Variants in IQANK1 observed in about 807,000 individuals in gnomAD.
IQANK1 encodes the protein IQ motif and ankyrin repeat containing 1.
In IQANK1, 30 loss-of-function variants were observed where a neutral mutation model predicts 22.6. That is an observed-to-expected ratio of 1.33 (90% CI 0.99 to 1.80). IQANK1 has a LOEUF of 1.80. Ranked by LOEUF, IQANK1 falls within the 40% of genes most tolerant of loss-of-function variation. The pLI, the probability that IQANK1 is intolerant of heterozygous loss-of-function variation, is 0.00. For missense variants in IQANK1, 275 were observed against 235.2 expected (o/e 1.17, Z -1.11); for synonymous variants, 122 against 99.6 (o/e 1.23, Z -1.34).
chr8:143,766,625 C>T (rs1343263715), intron 3 of IQANK1, among the ~76,000 whole-genome samples: 8 of 151,696 alleles, frequency 5.3e-5, no homozygotes, highest in Admixed American at 6.6e-5. Context: ...GAGCCAGGAT[C>T]GAGTCACTGC....
At chr8:143,734,581 G>A (rs988794601) in intron 1 of IQANK1, among the ~76,000 whole-genome samples, 3 of 151,086 alleles carry the variant, frequency 2.0e-5, no homozygotes, top group Non-Finnish European at 4.4e-5. Flanking sequence ...CAAGCACACC[G>A]AGTCCTGCCC....
At chr8:143,737,626 G>A (rs1371988450) in intron 2 of IQANK1, among the ~76,000 whole-genome samples, 3 of 152,128 alleles carry the variant, frequency 2.0e-5, no homozygotes, top group African/African-American at 4.8e-5. Context: ...GACCCCTCCC[G>A]CCACCCCATC....
chr8:143,759,200 G>A, intron 3 of IQANK1: 1 of 236,666 alleles, frequency 4.2e-6, no homozygotes, highest in Non-Finnish European at 8.5e-6. Context: ...CGTCACAGCA[G>A]CACTGCTTCA....
rs181088140 is a variant in IQANK1, at chr8:143,781,561, C to A, written c.790-7354C>A. Among the ~76,000 whole-genome samples, 229 of 152,258 alleles carry A rather than the reference C, an allele frequency of 1.5e-3. 7 individuals are homozygous for A. Among genetic ancestry groups the A allele is most frequent in the Admixed American group, 0.013 (199 of 15,284 alleles). ...ATATGGCTAGCCAGTTATTCCAGCA[C>A]GGTTTATTGAATATGGAGTCTTTTC... On this transcript the variant is annotated intron_variant, in intron 7 of 13. Coordinates refer to ENST00000527139, the MANE Select transcript of IQANK1 (RefSeq NM_001381874.1).
intron 3 of IQANK1, among the ~76,000 whole-genome samples, chr8:143,754,095 T>C (rs1554628312): frequency 6.6e-6 from 1 of 152,208 alleles, no homozygotes; most frequent in African/African-American, 2.4e-5. Flanking sequence ...CCTTTCATGT[T>C]TGGCTCCTAA....
intron 7 of IQANK1, among the ~76,000 whole-genome samples, chr8:143,779,906 C>A (rs1440813193): frequency 6.6e-6 from 1 of 152,194 alleles, no homozygotes; most frequent in East Asian, 1.9e-4. Flanking sequence ...ATTCGTATGT[C>A]TGTTCACTCT....
At chr8:143,759,240 A>C (rs1819347125) in intron 3 of IQANK1, 1 of 179,376 alleles carries the variant, frequency 5.6e-6, no homozygotes. Context: ...ACAGCCCTGC[A>C]CCAGCAAATC....
chr8:143,755,509 G>A (rs1228728272), intron 3 of IQANK1, among the ~76,000 whole-genome samples: 1 of 151,972 alleles, frequency 6.6e-6, no homozygotes, highest in Admixed American at 6.6e-5. Flanking sequence ...GATTACAGGC[G>A]CCTGCCACCA....
intron 3 of IQANK1, among the ~76,000 whole-genome samples, chr8:143,752,535 T>G (rs1441704926): frequency 6.6e-6 from 1 of 152,220 alleles, no homozygotes; most frequent in African/African-American, 2.4e-5. Flanking sequence ...TTTTCAGCCA[T>G]TATTTCTTCA....
chr8:143,751,675 T>TATATATAA (rs1379910945), intron 3 of IQANK1, among the ~76,000 whole-genome samples: 133 of 140,768 alleles, frequency 9.4e-4, no homozygotes, highest in African/African-American at 1.9e-3. Flanking sequence ...TATATATATA[T>TATATATAA]ATAAAATCCT....
At chr8:143,738,539 C>T (rs1348319627) in intron 2 of IQANK1, among the ~76,000 whole-genome samples, 4 of 152,204 alleles carry the variant, frequency 2.6e-5, no homozygotes, top group Admixed American at 2.0e-4. Context: ...CTGACTAACG[C>T]GCTGACACGG....
intron 7 of IQANK1, among the ~76,000 whole-genome samples, chr8:143,777,441 G>A (rs1819708627): frequency 1.3e-5 from 2 of 149,442 alleles, no homozygotes; most frequent in East Asian, 2.0e-4. Context: ...GCTTGAACCC[G>A]GGAGGCGGAG....
intron 7 of IQANK1, among the ~76,000 whole-genome samples, chr8:143,778,072 G>A (rs1050027974): frequency 2.6e-5 from 4 of 152,156 alleles, no homozygotes; most frequent in Non-Finnish European, 5.9e-5. Flanking sequence ...GCGGGCGCCT[G>A]TAGTCCCAGC....
At position 143,748,316 on chromosome 8, in the gene IQANK1, T is replaced by A. The variant is rs541628073; in HGVS notation, c.175+8368T>A. On this transcript the variant is annotated intron_variant, in intron 3 of 13. Transcript: ENST00000527139. ...AGCAAGTCCTTTATTTCTTTACTTA[T>A]CTTCTTATCTTCTGCCTGGTGGTTC... Among the ~76,000 whole-genome samples the A allele has an allele frequency of 3.3e-5, 5 of 151,156 alleles. No individual in the cohort carries two copies. In the East Asian group the frequency reaches 9.6e-4, roughly 29 times the overall value.
intron 7 of IQANK1, among the ~76,000 whole-genome samples, chr8:143,782,307 C>T (rs1258276339): frequency 6.6e-6 from 1 of 152,146 alleles, no homozygotes; most frequent in Non-Finnish European, 1.5e-5. Context: ...CCTTTTCTTT[C>T]TCTTGCCTGA....
chr8:143,744,123 G>A, intron 3 of IQANK1: 1 of 201,492 alleles, frequency 5.0e-6, no homozygotes, highest in Non-Finnish European at 1.0e-5. Context: ...TGAGCCACCA[G>A]GCCTGGCTCC....
intron 7 of IQANK1, among the ~76,000 whole-genome samples, chr8:143,777,976 C>T (rs1250247632): frequency 2.6e-5 from 4 of 152,218 alleles, no homozygotes; most frequent in East Asian, 1.9e-4. Context: ...GGGCGGATCA[C>T]GAGGTCAGAA....
chr8:143,739,815 G>A (rs1462843873), intron 2 of IQANK1, 44 bp from the exon 3 acceptor site: 2 of 677,540 alleles, frequency 3.0e-6, no homozygotes, highest in Admixed American at 4.2e-5. Flanking sequence ...TAATGGGGAT[G>A]GGGGTCTCTC....
chr8:143,787,145 G>C (rs190548087), intron 7 of IQANK1, among the ~76,000 whole-genome samples: 1 of 150,132 alleles, frequency 6.7e-6, no homozygotes, highest in Non-Finnish European at 1.5e-5. Context: ...GGCAGACGTG[G>C]GTTCAGTTTT....
Sources: gnomAD v4.1 joint callset for allele counts (sites outside exome capture counted in the v4.1 genomes callset) on GRCh38, gnomAD v4.1.1 for gene constraint, MANE v1.5 for transcripts, NCBI Gene and HGNC (gene_info 2026-07-23, HGNC 2026-07-21) for gene names.